Variants in RANBP2 observed in about 807,000 individuals in gnomAD.
The protein encoded by RANBP2 is E3 SUMO-protein ligase RanBP2.
In RANBP2, 57 loss-of-function variants were observed where a neutral mutation model predicts 303.6. The observed-to-expected ratio is 0.19, with a 90% confidence interval of 0.15 to 0.23. The LOEUF (loss-of-function observed/expected upper bound fraction) is 0.23. RANBP2 is among the 10% of genes least tolerant of loss of function. The probability of loss-of-function intolerance (pLI) is 1.00; values close to 1 mark genes in which losing one functional copy is unlikely to be tolerated. For missense variants in RANBP2, 3,138 were observed against 3,780.8 expected (o/e 0.83, Z 4.46); for synonymous variants, 1,167 against 1,301.5 (o/e 0.90, Z 2.23).
chr2:108,759,674 A>G (rs981027974), intron 18 of RANBP2, among the ~76,000 whole-genome samples: 26 of 151,754 alleles, frequency 1.7e-4, no homozygotes, highest in African/African-American at 5.1e-4. Flanking sequence ...CATAAGTCAT[A>G]GATAAGTATA....
chr2:109,487,247 C>T, the RANBP2 span, among the ~76,000 whole-genome samples: 1 of 152,200 alleles, frequency 6.6e-6, no homozygotes, highest in East Asian at 1.9e-4. Flanking sequence ...TCTCCTCCCA[C>T]GGTGTTGTCC....
At chr2:108,842,478 G>T in the RANBP2 span, among the ~76,000 whole-genome samples, 2 of 152,080 alleles carry the variant, frequency 1.3e-5, no homozygotes, top group Non-Finnish European at 2.9e-5. Context: ...GCCCTTATTG[G>T]AGTCCAGGAT....
chr2:109,541,214 C>A, the RANBP2 span, among the ~76,000 whole-genome samples: 4 of 152,234 alleles, frequency 2.6e-5, no homozygotes, highest in Non-Finnish European at 5.9e-5. Flanking sequence ...CCAGTTAATG[C>A]AAGAACCTGA....
the RANBP2 span, among the ~76,000 whole-genome samples, chr2:109,172,090 G>A: frequency 4.6e-5 from 7 of 152,226 alleles, no homozygotes; most frequent in Non-Finnish European, 8.8e-5. Context: ...TGATATGCAC[G>A]TCATTTCCCA....
At chr2:108,787,999 T>A, downstream of RANBP2, 1 of 1,439,788 alleles carries the variant, frequency 6.9e-7, no homozygotes, top group Non-Finnish European at 9.4e-7. Flanking sequence ...TGATTTTTAG[T>A]ATACAAATTA....
At chr2:109,496,013 A>C in the RANBP2 span, among the ~76,000 whole-genome samples, 1 of 152,184 alleles carries the variant, frequency 6.6e-6, no homozygotes, top group Non-Finnish European at 1.5e-5. Context: ...CTTCGCGGTG[A>C]AGAGCAAAGG....
the RANBP2 span, among the ~76,000 whole-genome samples, chr2:108,811,245 C>CTTTTTTTTTTTTTTTTTTTTTTT: frequency 1.5e-4 from 16 of 109,630 alleles, 1 homozygote; most frequent in South Asian, 3.0e-4. Context: ...CTTTCTCTCT[C>CTTTTTTTTTTTTTTTTTTTTTTT]TCTTTTTTTT....
the RANBP2 span, among the ~76,000 whole-genome samples, chr2:108,841,335 A>G: frequency 6.6e-6 from 1 of 152,134 alleles, no homozygotes; most frequent in Non-Finnish European, 1.5e-5. Flanking sequence ...GTCCTGTTCT[A>G]TCAAGTGTGG....
chr2:109,130,300 C>T, the RANBP2 span, among the ~76,000 whole-genome samples: 1 of 152,352 alleles, frequency 6.6e-6, no homozygotes, highest in African/African-American at 2.4e-5. Flanking sequence ...CAGCTCGCCG[C>T]TTGTTCACGT....
At chr2:109,493,171 C>T in the RANBP2 span, among the ~76,000 whole-genome samples, 20 of 151,018 alleles carry the variant, frequency 1.3e-4, no homozygotes, top group Admixed American at 4.6e-4. Context: ...ACCACACATA[C>T]GCCATGCAAA....
the RANBP2 span, chr2:108,923,518 T>C: frequency 6.7e-6 from 10 of 1,498,410 alleles, no homozygotes; most frequent in African/African-American, 1.4e-5. Flanking sequence ...CAGGGACTGG[T>C]GCAGAGAGCA....
At chr2:108,898,430 A>G in the RANBP2 span, among the ~76,000 whole-genome samples, 1 of 152,222 alleles carries the variant, frequency 6.6e-6, no homozygotes, top group South Asian at 2.1e-4. Flanking sequence ...CAGTAGCAAG[A>G]CAGCACCCTC....
chr2:108,870,461 A>G, the RANBP2 span, among the ~76,000 whole-genome samples: 1 of 152,180 alleles, frequency 6.6e-6, no homozygotes, highest in Non-Finnish European at 1.5e-5. Flanking sequence ...AATAGCTGAA[A>G]ACTTATCAAA....
At chr2:108,896,865 C>A in the RANBP2 span, 1,427,736 of 1,584,916 alleles carry the variant, frequency 0.9, 644,119 homozygotes, top group East Asian at 1. Context: ...CCCTCGTTGG[C>A]TCCTTGGCTT....
the RANBP2 span, among the ~76,000 whole-genome samples, chr2:109,192,242 C>CCGTT: frequency 6.6e-6 from 1 of 152,168 alleles, no homozygotes; most frequent in East Asian, 1.9e-4. Flanking sequence ...AAGCAGGGAA[C>CCGTT]CTGTCCCTGG....
At chr2:109,602,612 T>A in the RANBP2 span, among the ~76,000 whole-genome samples, 4 of 149,216 alleles carry the variant, frequency 2.7e-5, no homozygotes, top group African/African-American at 9.9e-5. Context: ...GAGGCAGAGG[T>A]TGCAGTGAGC....
chr2:109,731,689 G>A, the RANBP2 span, among the ~76,000 whole-genome samples: 17 of 152,088 alleles, frequency 1.1e-4, no homozygotes, highest in East Asian at 5.8e-4. Context: ...CACTGCGCGC[G>A]GCCACCAGAC....
At chr2:109,495,027 G>A in the RANBP2 span, among the ~76,000 whole-genome samples, 1 of 152,198 alleles carries the variant, frequency 6.6e-6, no homozygotes, top group African/African-American at 2.4e-5. Context: ...GCAGGCAGCA[G>A]GCCAGTCTCG....
the RANBP2 span, among the ~76,000 whole-genome samples, chr2:109,004,537 G>A: frequency 1.3e-5 from 2 of 152,146 alleles, no homozygotes; most frequent in Non-Finnish European, 1.5e-5. Flanking sequence ...TCCAACCATT[G>A]GGCATCATCT....
Sources: allele counts gnomAD v4.1 joint callset (sites outside exome capture counted in the v4.1 genomes callset), GRCh38; gene constraint gnomAD v4.1.1; transcripts MANE v1.5; gene names NCBI Gene and HGNC (gene_info 2026-07-23, HGNC 2026-07-21).